Variants in MAGI2 observed in about 807,000 individuals in gnomAD.
MAGI2 encodes membrane associated guanylate kinase, WW and PDZ domain containing 2, also known as membrane-associated guanylate kinase, WW and PDZ domain-containing protein 2.
A neutral mutation model predicts 133.3 loss-of-function variants in MAGI2; 35 were observed. The observed-to-expected ratio is 0.26, with a 90% confidence interval of 0.20 to 0.35. The LOEUF (loss-of-function observed/expected upper bound fraction) is 0.35. Among genes scored for constraint, MAGI2 ranks in the 10% least tolerant of loss-of-function variants. The probability of loss-of-function intolerance (pLI) is 1.00; values close to 1 mark genes in which losing one functional copy is unlikely to be tolerated. For synonymous variants in MAGI2, 729 were observed against 710.6 expected, an observed-to-expected ratio of 1.03 and a Z score of -0.41; for missense variants, 1,636 against 1,863.4, an observed-to-expected ratio of 0.88 and a Z score of 2.25.
At chr7:78,319,874 C>T (rs889485337) in intron 9 of MAGI2, among the ~76,000 whole-genome samples, 3 of 151,846 alleles carry the variant, frequency 2.0e-5, no homozygotes, top group African/African-American at 7.3e-5. Flanking sequence ...AAATAGACCA[C>T]TAACAAGACT....
In MAGI2 at chr7:78,995,210, G is replaced by T. The variant is rs545208929; in HGVS notation, c.418+11880C>A. 1.4e-3 allele frequency among the ~76,000 whole-genome samples: 218 copies of T among 152,076 alleles called. 1 individual carries two copies. The highest frequency in any genetic ancestry group is 1.5e-3 in the Non-Finnish European group (102 of 67,978). On this transcript the variant is annotated intron_variant, in intron 2 of 21. Transcript: ENST00000354212. The stretch of plus-strand genomic sequence containing the variant: ...AAAAAAATCTCATAACGTCTTAAAA[G>T]AGTTTACAAGTTTGTGTTGGGCTGC...
intron 14 of MAGI2, among the ~76,000 whole-genome samples, chr7:78,174,509 T>C (rs956995282): frequency 6.6e-6 from 1 of 152,254 alleles, no homozygotes; most frequent in African/African-American, 2.4e-5. Context: ...TCATTTTGTT[T>C]CATTCATTTG....
intron 1 of MAGI2, among the ~76,000 whole-genome samples, chr7:79,234,814 C>T (rs1170340794): frequency 1.3e-5 from 2 of 151,372 alleles, no homozygotes; most frequent in East Asian, 3.9e-4. Flanking sequence ...ATTCTCCATC[C>T]AGCTTTGTTC....
intron 1 of MAGI2, among the ~76,000 whole-genome samples, chr7:79,393,447 A>T (rs1025390083): frequency 6.6e-6 from 1 of 152,158 alleles, no homozygotes; most frequent in African/African-American, 2.4e-5. Flanking sequence ...AGAACTCTAT[A>T]ACATTTTATT....
chr7:78,741,330 A>G, intron 2 of MAGI2, among the ~76,000 whole-genome samples: 1 of 150,650 alleles, frequency 6.6e-6, no homozygotes, highest in East Asian at 2.0e-4. Context: ...TTTGGCTAGA[A>G]CAAAACAGAG....
At chr7:79,382,997 TA>T in intron 1 of MAGI2, among the ~76,000 whole-genome samples, 1 of 151,660 alleles carries the variant, frequency 6.6e-6, no homozygotes. Context: ...GCAAAAGACT[TA>T]AAAAAAGATC....
chr7:78,675,371 T>C (rs1275747793), intron 2 of MAGI2, among the ~76,000 whole-genome samples: 1 of 151,824 alleles, frequency 6.6e-6, no homozygotes. Flanking sequence ...AATAAGCTAG[T>C]GCAGGTAAGC....
intron 2 of MAGI2, among the ~76,000 whole-genome samples, chr7:78,779,655 T>C (rs1826249919): frequency 6.6e-6 from 1 of 152,232 alleles, no homozygotes; most frequent in Non-Finnish European, 1.5e-5. Flanking sequence ...GATATTGAAC[T>C]TTTTCAGGAA....
At chr7:78,255,594 A>G (rs1455306939) in intron 10 of MAGI2, 1 of 479,142 alleles carries the variant, frequency 2.1e-6, no homozygotes, top group African/African-American at 2.0e-5. Flanking sequence ...TCTTAATTAA[A>G]TCAATGGGAA....
intron 9 of MAGI2, among the ~76,000 whole-genome samples, chr7:78,330,931 A>G (rs1450593733): frequency 1.3e-5 from 2 of 152,178 alleles, no homozygotes; most frequent in South Asian, 2.1e-4. Flanking sequence ...CGAATCTGAC[A>G]TTGTCTATAA....
At chr7:78,800,275 T>C (rs1054907781) in intron 2 of MAGI2, among the ~76,000 whole-genome samples, 2 of 152,114 alleles carry the variant, frequency 1.3e-5, no homozygotes, top group African/African-American at 2.4e-5. Context: ...TTATTTTTAC[T>C]GACAATTCAA....
At chr7:79,145,602 A>G (rs1276585471) in intron 1 of MAGI2, among the ~76,000 whole-genome samples, 3 of 152,126 alleles carry the variant, frequency 2.0e-5, no homozygotes, top group Non-Finnish European at 4.4e-5. Context: ...TAAAATACAT[A>G]CTAGTTGCAC....
At chr7:79,130,663 G>C (rs781032768) in intron 1 of MAGI2, among the ~76,000 whole-genome samples, 1 of 152,136 alleles carries the variant, frequency 6.6e-6, no homozygotes, top group African/African-American at 2.4e-5. Flanking sequence ...TTGTGGTGAG[G>C]ATTAAATGAG....
intron 2 of MAGI2, among the ~76,000 whole-genome samples, chr7:78,784,683 T>A (rs775230491): frequency 1.4e-4 from 21 of 152,226 alleles, no homozygotes; most frequent in Non-Finnish European, 2.4e-4. Context: ...TAGATCATAC[T>A]CTTTTTGTCC....
At chr7:79,278,560 T>G (rs1156996877) in intron 1 of MAGI2, among the ~76,000 whole-genome samples, 1 of 152,204 alleles carries the variant, frequency 6.6e-6, no homozygotes. Flanking sequence ...AAGTCTTGGC[T>G]AAAATCCTCT....
chr7:78,415,839 T>C (rs1338486781), intron 6 of MAGI2, among the ~76,000 whole-genome samples: 2 of 152,190 alleles, frequency 1.3e-5, no homozygotes, highest in Non-Finnish European at 2.9e-5. Flanking sequence ...AATGATCAAG[T>C]GAATTTTAAA....
intron 1 of MAGI2, among the ~76,000 whole-genome samples, chr7:79,423,833 C>A (rs1847148543): frequency 6.6e-6 from 1 of 152,012 alleles, no homozygotes; most frequent in African/African-American, 2.4e-5. Context: ...CTTTCAGTAA[C>A]TTGAGCCTGA....
chr7:78,747,186 A>G (rs1460480997), intron 2 of MAGI2, among the ~76,000 whole-genome samples: 1 of 152,134 alleles, frequency 6.6e-6, no homozygotes, highest in Non-Finnish European at 1.5e-5. Context: ...CAATGCAAAT[A>G]AGCTATCTTT....
At chr7:78,639,406 A>G (rs898335428) in intron 2 of MAGI2, among the ~76,000 whole-genome samples, 2 of 152,138 alleles carry the variant, frequency 1.3e-5, no homozygotes, top group African/African-American at 4.8e-5. Flanking sequence ...GGAAGAAACA[A>G]AGAAGAGAGG....
Sources: allele counts gnomAD v4.1 joint callset (sites outside exome capture counted in the v4.1 genomes callset), GRCh38; gene constraint gnomAD v4.1.1; transcripts MANE v1.5; gene names NCBI Gene and HGNC (gene_info 2026-07-23, HGNC 2026-07-21).